The following PHKA2 variants were observed in gnomAD, a reference collection of about 807,000 sequenced individuals.
PHKA2 encodes phosphorylase kinase regulatory subunit alpha 2.
In PHKA2, 31 loss-of-function variants were observed where a neutral mutation model predicts 102.0. The observed-to-expected ratio is 0.30, with a 90% CI of 0.23 to 0.41. The LOEUF (loss-of-function observed/expected upper bound fraction) is 0.41, where lower values mean the gene tolerates loss of function less well. PHKA2 is among the 10% of genes least tolerant of loss of function. PHKA2 has a pLI of 1.00. For missense variants in PHKA2, 858 were observed against 1,023.1 expected (o/e 0.84, Z 2.20); for synonymous variants, 455 against 416.2 (o/e 1.09, Z -1.13).
intron 31 of PHKA2, 76 bp downstream of exon 31, chrX:18,895,062 G>C: frequency 1.1e-6 from 1 of 946,184 alleles, no homozygotes. Flanking sequence ...AGGAGCACAA[G>C]AGGTCAGAGT....
chrX:18,961,850 G>T (rs951684308), intron 1 of PHKA2, among the ~76,000 whole-genome samples: 1 of 109,291 alleles, frequency 9.1e-6, no homozygotes, highest in Non-Finnish European at 1.9e-5. Context: ...GCTGCTTCAA[G>T]TACAGGAAAT....
chrX:18,923,735 C>A (rs973243583), intron 17 of PHKA2, among the ~76,000 whole-genome samples: 2 of 112,317 alleles, frequency 1.8e-5, no homozygotes, highest in Non-Finnish European at 1.9e-5. Flanking sequence ...TTCTTCCACA[C>A]CTTTTAACAG....
At chrX:18,954,502 C>T (rs1158795508) in intron 1 of PHKA2, 90 bp from the exon 2 acceptor site, 9 of 936,433 alleles carry the variant, frequency 9.6e-6, no homozygotes, top group Non-Finnish European at 1.4e-5. Flanking sequence ...TAGATGAGGA[C>T]CGGGACCTGG....
chrX:18,966,694 A>T (rs890873231), intron 1 of PHKA2, among the ~76,000 whole-genome samples: 2 of 111,902 alleles, frequency 1.8e-5, no homozygotes, highest in Non-Finnish European at 3.8e-5. Flanking sequence ...GGAAAATGTT[A>T]TCTATGGAGT....
chrX:18,931,773 T>A, intron 11 of PHKA2, 25 bp from the exon 12 acceptor site: 1 of 1,009,508 alleles, frequency 9.9e-7, no homozygotes, highest in South Asian at 1.9e-5. Flanking sequence ...AAATCCAAAG[T>A]CAGAAAGTCA....
chrX:18,900,444 A>G (rs766097427), intron 28 of PHKA2, among the ~76,000 whole-genome samples: 1 of 111,510 alleles, frequency 9.0e-6, no homozygotes, highest in Non-Finnish European at 1.9e-5. Context: ...CTCTTTCACA[A>G]AGTACCCTAC....
At chrX:18,899,107 G>A (rs2147824279) in intron 29 of PHKA2, 66 bp downstream of exon 29, 1 of 958,572 alleles carries the variant, frequency 1.0e-6, no homozygotes. Context: ...TGGGCATGAG[G>A]TGGGAGCATG....
At chrX:18,895,233 G>A in intron 30 of PHKA2, 42 bp from the exon 31 acceptor site, 1 of 1,142,898 alleles carries the variant, frequency 8.7e-7, no homozygotes. Context: ...ATTCCAGAAT[G>A]GGATAAGCAC....
In PHKA2 at chrX:18,908,059, G is replaced by A; in HGVS notation, c.2361-3C>T. On this transcript the variant is annotated splice_polypyrimidine_tract_variant and splice_region_variant and intron_variant, in intron 21 of 32. Coordinates refer to ENST00000379942, the MANE Select transcript of PHKA2 (RefSeq NM_000292.3). The stretch of plus-strand genomic sequence containing the variant: ...GATTTGTGTCCCAGCTGGGACCCCT[G>A]CCAAGAGGTAGAAAAACCCAGAAAT... 8.3e-7 allele frequency: 1 copy of A among 1,208,466 alleles called. No homozygotes were observed. The highest frequency in any genetic ancestry group is 1.7e-5 in the African/African-American group (1 of 57,750).
chrX:18,901,104 C>G (rs766220543), intron 27 of PHKA2, among the ~76,000 whole-genome samples: 1 of 107,996 alleles, frequency 9.3e-6, no homozygotes, highest in East Asian at 2.9e-4. Flanking sequence ...GCATTCTGGT[C>G]TATTTCCAGA....
intron 31 of PHKA2, 152 bp from the exon 32 acceptor site, chrX:18,894,556 T>C: frequency 1.9e-6 from 1 of 525,025 alleles, no homozygotes; most frequent in Non-Finnish European, 3.3e-6. Flanking sequence ...TGGATCCTGC[T>C]GGCAGTGGCC....
chrX:18,983,830 T>C lies in PHKA2; in HGVS notation c.78+25A>G, dbSNP rs200186305. 30 of 1,175,125 alleles carry C rather than the reference T, an allele frequency of 2.6e-5. No individual in the cohort carries two copies. In the African/African-American group the frequency reaches 4.8e-4, roughly 19 times the overall value. ...TTACATGAGAGGGTAGTTCCACGCG[T>C]TCCCTGGGGGCGGTCCCTCCTTACC... is the stretch of plus-strand genomic sequence containing the variant. On this transcript the variant is annotated intron_variant, in intron 1 of 32. Transcript: ENST00000379942.
intron 1 of PHKA2, among the ~76,000 whole-genome samples, chrX:18,981,033 C>T (rs956669714): frequency 4.5e-5 from 5 of 111,918 alleles, no homozygotes; most frequent in Admixed American, 9.5e-5. Flanking sequence ...GGAGATACAA[C>T]ATACACTTTA....
At chrX:18,897,124 G>A (rs201363911) in intron 30 of PHKA2, 39 bp downstream of exon 30, 6 of 1,198,991 alleles carry the variant, frequency 5.0e-6, no homozygotes, top group Non-Finnish European at 6.8e-6. Flanking sequence ...GACAGTAAGG[G>A]GACGGTTCAC....
intron 20 of PHKA2, among the ~76,000 whole-genome samples, 200 bp from the exon 21 acceptor site, chrX:18,909,134 A>C (rs2047877928): frequency 8.9e-6 from 1 of 112,508 alleles, no homozygotes; most frequent in African/African-American, 3.2e-5. Flanking sequence ...CATTTGCAAG[A>C]GACTGGACTG....
chrX:18,894,768 C>CG (rs763710083), intron 31 of PHKA2: 5 of 385,225 alleles, frequency 1.3e-5, no homozygotes, highest in Non-Finnish European at 2.3e-5. Context: ...AAAAGAATGA[C>CG]AAATCACCTA....
At chrX:18,894,921 AATGC>A in intron 31 of PHKA2, 1 of 449,270 alleles carries the variant, frequency 2.2e-6, no homozygotes. Context: ...CTAGCCCAGA[AATGC>A]TGAGTCTCAG....
intron 25 of PHKA2, among the ~76,000 whole-genome samples, chrX:18,906,195 C>CA: frequency 8.9e-6 from 1 of 112,221 alleles, no homozygotes; most frequent in East Asian, 2.8e-4. Context: ...CATCTCATAG[C>CA]AAGGGCATCC....
Position 18,983,896 on chromosome X carries a change from C to T in PHKA2, c.37G>A (p.Gly13Arg), listed in dbSNP as rs202065000. ...GTTTGCTGCACCAGCCGCGCGTACC[C>T]GTCCAAGCGGACCCCGGAATTGCTC... ...SRSNSGVRLD[G>R]YARLVQQTIL... is the part of the protein sequence containing the mutation. Residue 13 changes from glycine to arginine, a missense_variant, in exon 1 of 33, where the codon GGG (glycine) becomes AGG (arginine). Coordinates refer to ENST00000379942, the MANE Select transcript of PHKA2 (RefSeq NM_000292.3). The T allele has an allele frequency of 3.8e-5, 46 of 1,210,480 alleles. No individual in the cohort carries two copies. The Admixed American group carries it at 5.0e-4, about 13-fold the overall frequency.
Sources: gnomAD v4.1 joint callset for allele counts (sites outside exome capture counted in the v4.1 genomes callset) on GRCh38, gnomAD v4.1.1 for gene constraint, MANE v1.5 for transcripts, NCBI Gene and HGNC (gene_info 2026-07-23, HGNC 2026-07-21) for gene names.